The following NETO1 variants were observed in gnomAD, a reference collection of about 807,000 sequenced individuals.
The protein encoded by NETO1 is neuropilin and tolloid-like protein 1.
In NETO1, 26 loss-of-function variants were observed where a neutral mutation model predicts 61.3. The observed-to-expected ratio is 0.42, with a 90% CI of 0.31 to 0.59. The LOEUF (loss-of-function observed/expected upper bound fraction) is 0.59, where lower values mean the gene tolerates loss of function less well. Ranked by LOEUF, NETO1 falls within the 20% of genes least tolerant of loss-of-function variation. NETO1 has a pLI of 0.12. For synonymous variants in NETO1, 225 were observed against 225.8 expected (o/e 1.00, Z 0.03); for missense variants, 531 against 662.8 (o/e 0.80, Z 2.18).
At chr18:72,749,931 T>C (rs1599078170) in intron 9 of NETO1, 131 bp downstream of exon 9, 1 of 698,050 alleles carries the variant, frequency 1.4e-6, no homozygotes, top group East Asian at 2.7e-5. Context: ...AGAGGGAAAC[T>C]ATTGGAAAAC....
At chr18:72,833,319 C>T (rs1005571950) in intron 4 of NETO1, among the ~76,000 whole-genome samples, 2 of 152,126 alleles carry the variant, frequency 1.3e-5, no homozygotes, top group African/African-American at 4.8e-5. Flanking sequence ...TACTTGAATG[C>T]TAATATTTCA....
intron 7 of NETO1, among the ~76,000 whole-genome samples, chr18:72,770,254 G>T (rs2071310419): frequency 6.6e-6 from 1 of 151,664 alleles, no homozygotes; most frequent in East Asian, 1.9e-4. Flanking sequence ...TCTTATTTTT[G>T]AATATAATCA....
At chr18:72,786,828 G>T (rs956967075) in intron 6 of NETO1, among the ~76,000 whole-genome samples, 23 of 149,086 alleles carry the variant, frequency 1.5e-4, no homozygotes, top group Admixed American at 3.3e-4. Flanking sequence ...AAAAAAAAAA[G>T]ATTTTTTTTT....
At chr18:72,864,115 A>G (rs1367947494) in intron 3 of NETO1, among the ~76,000 whole-genome samples, 1 of 152,074 alleles carries the variant, frequency 6.6e-6, no homozygotes, top group Non-Finnish European at 1.5e-5. Flanking sequence ...GCTACTCGGG[A>G]GGCTGAGGCA....
At position 72,792,363 on chromosome 18, in the gene NETO1, G is replaced by A. The variant is rs1162383709; in HGVS notation, c.639+1754C>T. Among the ~76,000 whole-genome samples, 4 of 152,054 alleles carry A rather than the reference G, an allele frequency of 2.6e-5. No homozygotes were observed. The East Asian group carries it at 7.8e-4, about 29-fold the overall frequency. ...TGAGGTGGGAGGTGGAGGTTGCAGT[G>A]AGCCGAGATCGCACCACTGCACTCC... On this transcript the variant is annotated intron_variant, in intron 6 of 10. Coordinates refer to ENST00000327305, the MANE Select transcript of NETO1 (RefSeq NM_138966.5).
At position 72,867,805 on chromosome 18, in the gene NETO1, G is replaced by T; in HGVS notation, c.-514C>A. 6.4e-6 allele frequency: 1 copy of T among 156,722 alleles called. No individual in the cohort carries two copies. The highest frequency in any genetic ancestry group is 1.3e-5 in the Non-Finnish European group (1 of 74,080). 9.7% of individuals were successfully genotyped at this position (156,722 alleles called of 1,614,324 possible). ...GGCGGCGGCGGCGCCGGCGGCGGCG[G>T]GGTGGCTCAGTCCCCAGTCTCAGAC... is the stretch of plus-strand genomic sequence containing the variant. On this transcript the variant is annotated 5_prime_UTR_variant, in exon 1 of 11. Coordinates refer to ENST00000327305, the MANE Select transcript of NETO1 (RefSeq NM_138966.5).
Position 72,794,388 on chromosome 18 carries a change from G to A in NETO1, c.486C>T (p.Asp162=). Residue 162 remains aspartate (D), a synonymous_variant, in exon 5 of 11, where the codon GAC becomes GAT. Transcript: ENST00000327305. ...YNFTPDPDFK[D]LGALKPLPAC... ...CTGGTAATGGTTTCAAAGCTCCAAG[G>A]TCCTTAAAGTCAGGATCTTAAAAAT... 6.2e-7 allele frequency: 1 copy of A among 1,611,694 alleles called. No homozygotes were observed. Among genetic ancestry groups the A allele is most frequent in the Non-Finnish European group, 8.5e-7 (1 of 1,179,530 alleles).
At chr18:72,780,460 A>T (rs576366245) in intron 7 of NETO1, among the ~76,000 whole-genome samples, 1 of 152,184 alleles carries the variant, frequency 6.6e-6, no homozygotes, top group Non-Finnish European at 1.5e-5. Flanking sequence ...ACCATTTCTT[A>T]TCTATGCAGA....
chr18:72,834,160 A>C (rs1403417300), intron 4 of NETO1: 1 of 731,590 alleles, frequency 1.4e-6, no homozygotes, highest in Non-Finnish European at 1.7e-6. Flanking sequence ...TTGTTTAAAA[A>C]ACATTTTAAT....
At chr18:72,799,385 T>C (rs981718937) in intron 4 of NETO1, among the ~76,000 whole-genome samples, 7 of 152,240 alleles carry the variant, frequency 4.6e-5, no homozygotes, top group African/African-American at 1.7e-4. Context: ...GGATACGTTA[T>C]GTGCACTTTT....
intron 7 of NETO1, among the ~76,000 whole-genome samples, chr18:72,765,620 T>C (rs1193773239): frequency 6.6e-6 from 1 of 152,048 alleles, no homozygotes; most frequent in Non-Finnish European, 1.5e-5. Context: ...GGTTTCATCA[T>C]CTTGGCCAGG....
intron 7 of NETO1, among the ~76,000 whole-genome samples, chr18:72,773,679 T>C (rs545856968): frequency 3.2e-4 from 48 of 152,234 alleles, no homozygotes; most frequent in African/African-American, 1.1e-3. Context: ...ATGCATTCTC[T>C]CTCCTGCTGC....
intron 8 of NETO1, among the ~76,000 whole-genome samples, chr18:72,754,482 G>A (rs1052339223): frequency 2.0e-5 from 3 of 152,174 alleles, no homozygotes; most frequent in South Asian, 2.1e-4. Flanking sequence ...AAGTAAAAAC[G>A]TGGAAAAGAA....
rs376182646 is a variant in NETO1 at position 72,752,641 on chromosome 18, GA to G, written c.983-2022del. ...ACAGTAAAGCGAAGTGTATATATAG[GA>G]AAAAAAAAAGCAGGCAATGAAAAGA... On this transcript the variant is annotated intron_variant, in intron 8 of 10. Coordinates refer to ENST00000327305, the MANE Select transcript of NETO1 (RefSeq NM_138966.5). Among the ~76,000 whole-genome samples the G allele has an allele frequency of 3.7e-3, 544 of 147,554 alleles. 14 individuals are homozygous for G. The South Asian group carries it at 0.074, about 20-fold the overall frequency.
chr18:72,747,621 T>C lies in NETO1; in HGVS notation c.*558A>G, dbSNP rs535105120. ...TTTACTTGTTACTTTTTCCTGTATT[T>C]AATCAGAATATAATAATAGGTGTGT... On this transcript the variant is annotated 3_prime_UTR_variant, in exon 11 of 11. Transcript: ENST00000327305. 1 of 152,280 alleles carries C rather than the reference T, an allele frequency of 6.6e-6. No individual in the cohort carries two copies. The highest frequency in any genetic ancestry group is 2.4e-5 in the African/African-American group (1 of 41,586). 9.4% of individuals were successfully genotyped at this position (152,280 alleles called of 1,614,324 possible). A position where few individuals can be genotyped will look rare whatever the true frequency, so the allele number is the denominator to read the frequency against.
chr18:72,756,820 G>A (rs1210465621), intron 7 of NETO1, among the ~76,000 whole-genome samples: 3 of 151,890 alleles, frequency 2.0e-5, no homozygotes, highest in Non-Finnish European at 4.4e-5. Flanking sequence ...GGGACTGAGA[G>A]GTAAAATATG....
At chr18:72,779,651 A>G (rs1384973028) in intron 7 of NETO1, among the ~76,000 whole-genome samples, 2 of 152,204 alleles carry the variant, frequency 1.3e-5, no homozygotes, top group African/African-American at 4.8e-5. Context: ...AAGACAGTCT[A>G]GACCCATGTA....
intron 4 of NETO1, among the ~76,000 whole-genome samples, chr18:72,857,769 A>C (rs1291961135): frequency 6.6e-6 from 1 of 152,146 alleles, no homozygotes; most frequent in African/African-American, 2.4e-5. Context: ...CATAATTAAA[A>C]CCACAATCCT....
chr18:72,750,872 TACACACACACACACACAC>T (rs142668353), intron 8 of NETO1, among the ~76,000 whole-genome samples: 2 of 118,762 alleles, frequency 1.7e-5, no homozygotes, highest in African/African-American at 6.6e-5. Flanking sequence ...CAGCTTAAAA[TACACACACACACACACAC>T]ACACACACAC....
Sources: allele counts gnomAD v4.1 joint callset (sites outside exome capture counted in the v4.1 genomes callset), GRCh38; gene constraint gnomAD v4.1.1; transcripts MANE v1.5; gene names NCBI Gene and HGNC (gene_info 2026-07-23, HGNC 2026-07-21).